PPP1R13B: variants seen among roughly 807,000 people sequenced by gnomAD.
PPP1R13B encodes protein phosphatase 1 regulatory subunit 13B.
PPP1R13B carries 44 observed loss-of-function variants against 119.8 expected under a neutral mutation model. The ratio of observed to expected loss-of-function variants is 0.37; its 90% CI spans 0.29 to 0.47. The LOEUF (loss-of-function observed/expected upper bound fraction) is 0.47. Ranked by LOEUF, PPP1R13B falls within the 20% of genes least tolerant of loss-of-function variation. PPP1R13B has a pLI of 0.99. For synonymous variants in PPP1R13B, 542 were observed against 561.5 expected, an observed-to-expected ratio of 0.97 and a Z score of 0.49; for missense variants, 1,227 against 1,413.5, an observed-to-expected ratio of 0.87 and a Z score of 2.12.
chr14:103,846,170 G>A (rs1020109196), intron 1 of PPP1R13B, among the ~76,000 whole-genome samples: 25 of 152,150 alleles, frequency 1.6e-4, no homozygotes, highest in African/African-American at 5.1e-4. Context: ...CAAGTCTGAT[G>A]CTAAAGAAAG....
intron 1 of PPP1R13B, among the ~76,000 whole-genome samples, chr14:103,837,194 C>T (rs2086798384): frequency 6.6e-6 from 1 of 152,288 alleles, no homozygotes; most frequent in South Asian, 2.1e-4. Flanking sequence ...TCAGGCAAAC[C>T]GGAAACACAG....
chr14:103,746,620 A>G, intron 8 of PPP1R13B, 67 bp from the exon 9 acceptor site: 1 of 1,319,394 alleles, frequency 7.6e-7, no homozygotes, highest in Non-Finnish European at 1.0e-6. Context: ...GCTTAGTGCA[A>G]GAGACTGCCA....
chr14:103,754,308 T>A, intron 5 of PPP1R13B, 64 bp from the exon 6 acceptor site: 1 of 1,495,590 alleles, frequency 6.7e-7, no homozygotes. Context: ...CTCACATCTG[T>A]AATTCCAGCA....
At chr14:103,826,129 G>A (rs1256994730) in intron 1 of PPP1R13B, among the ~76,000 whole-genome samples, 1 of 152,018 alleles carries the variant, frequency 6.6e-6, no homozygotes, top group Non-Finnish European at 1.5e-5. Flanking sequence ...CACCTGCCTT[G>A]GCCTCCCAAA....
chr14:103,742,963 A>C lies in PPP1R13B; in HGVS notation c.1151-140T>G. On this transcript the variant is annotated intron_variant, in intron 9 of 16. Transcript: ENST00000202556. The surrounding 1 kb of genome is among the most constrained non-coding windows in gnomAD (Gnocchi z 4.9). ...TCCATTAACCGAGTGGTCAACCACC[A>C]GCCACATGCACAACTGCTGATCTCC... The C allele has an allele frequency of 1.1e-6, 1 of 909,326 alleles. No individual in the cohort carries two copies. The allele number at this position is 909,326 out of a possible 1,614,324, so 56.3% of individuals were successfully genotyped here. A position where few individuals can be genotyped will look rare whatever the true frequency, so the allele number is the denominator to read the frequency against.
intron 1 of PPP1R13B, among the ~76,000 whole-genome samples, chr14:103,799,313 G>C (rs1340701326): frequency 1.3e-5 from 2 of 152,108 alleles, no homozygotes; most frequent in Non-Finnish European, 2.9e-5. Context: ...CGAGTAGCTG[G>C]GACTACAGGC....
intron 7 of PPP1R13B, among the ~76,000 whole-genome samples, chr14:103,752,472 G>A (rs887360086): frequency 6.6e-6 from 1 of 151,664 alleles, no homozygotes; most frequent in African/African-American, 2.4e-5. Context: ...GTCGGTGAAG[G>A]TACTGAAGCC....
rs772045392 is a variant in PPP1R13B at position 103,784,858 on chromosome 14, G to C, written c.214C>G (p.Arg72Gly). The C allele has an allele frequency of 1.2e-6, 2 of 1,606,710 alleles. No homozygotes were observed. Among genetic ancestry groups the C allele is most frequent in the Admixed American group, 1.7e-5 (1 of 59,928 alleles). Residue 72 changes from arginine (R) to glycine (G), a missense_variant, in exon 3 of 17, where the codon CGG (arginine) becomes GGG (glycine). Physicochemically the swap from Arg to Gly is moderately radical, Grantham distance 125 (BLOSUM62 -2). Coordinates refer to ENST00000202556, the MANE Select transcript of PPP1R13B (RefSeq NM_015316.3). ...AGGAAAAATTTCACTTCTTCCCTCC[G>C]TGGACCCCATTTCTGAAGATGTTCG... ...MYEHLQKWGP[R>G]REEVKFFLRH...
In PPP1R13B at chr14:103,754,126, T is replaced by G; in HGVS notation, c.575A>C (p.Lys192Thr). 6.2e-7 allele frequency: 1 copy of G among 1,614,088 alleles called. No individual in the cohort carries two copies. Among genetic ancestry groups the G allele is most frequent in the Non-Finnish European group, 8.5e-7 (1 of 1,180,006 alleles). Residue 192 changes from lysine (K) to threonine (T), a missense_variant, in exon 6 of 17, where the codon AAA (lysine) becomes ACA (threonine). Transcript: ENST00000202556. ...GACTTGTCCTCTCATTGCACGAATTTTCTTCAGCTTGTTCTCCTGGGCTTC... is the reference window on the plus strand; with the variant it reads ...GACTTGTCCTCTCATTGCACGAATTGTCTTCAGCTTGTTCTCCTGGGCTTC... ...RVEAQENKLK[K>T]IRAMRGQVDY...
At position 103,734,937 on chromosome 14, in the gene PPP1R13B, T is replaced by C. The variant is rs914813450; in HGVS notation, c.*217A>G. 5.8e-6 allele frequency: 4 copies of C among 686,752 alleles called. No homozygotes were observed. Among genetic ancestry groups the C allele is most frequent in the Non-Finnish European group, 1.1e-5 (4 of 376,710 alleles). 42.5% of individuals were successfully genotyped at this position (686,752 alleles called of 1,614,324 possible). Reference sequence around the variant, plus strand: ...TTTGGATTTATAGTAATTGGCAAAATTCAGTCCTTGGAGGCGAAAGTACCT... The same window carrying C: ...TTTGGATTTATAGTAATTGGCAAAACTCAGTCCTTGGAGGCGAAAGTACCT... On this transcript the variant is annotated 3_prime_UTR_variant, in exon 17 of 17. Coordinates refer to ENST00000202556, the MANE Select transcript of PPP1R13B (RefSeq NM_015316.3).
chr14:103,755,301 C>A (rs1339046573), intron 5 of PPP1R13B, among the ~76,000 whole-genome samples: 1 of 152,086 alleles, frequency 6.6e-6, no homozygotes, highest in African/African-American at 2.4e-5. Context: ...TGAACACTGA[C>A]CAGCAGAGAA....
intron 2 of PPP1R13B, among the ~76,000 whole-genome samples, chr14:103,795,094 T>C (rs577382376): frequency 6.6e-6 from 1 of 152,222 alleles, no homozygotes; most frequent in African/African-American, 2.4e-5. Context: ...TGTGCCACCA[T>C]GCCTGGCTAA....
At chr14:103,792,382 T>C (rs1379470751) in intron 2 of PPP1R13B, among the ~76,000 whole-genome samples, 1 of 152,138 alleles carries the variant, frequency 6.6e-6, no homozygotes, top group Non-Finnish European at 1.5e-5. Context: ...TTGGCCACAT[T>C]GCCAAGGTTG....
rs191248772 is a variant in PPP1R13B at position 103,835,647 on chromosome 14, C to T, written c.9+11652G>A. Among the ~76,000 whole-genome samples, 864 of 151,684 alleles carry T rather than the reference C, an allele frequency of 5.7e-3. 11 individuals carry two copies. The highest frequency in any genetic ancestry group is 0.02 in the African/African-American group (829 of 41,378). On this transcript the variant is annotated intron_variant, in intron 1 of 16. Coordinates refer to ENST00000202556, the MANE Select transcript of PPP1R13B (RefSeq NM_015316.3). Reference sequence around the variant, plus strand: ...TTTTTGAGACGGAGTCTCGCTTTGCCGCCCAGGCTGGAGTGCAGTGGCACG... The same window carrying T: ...TTTTTGAGACGGAGTCTCGCTTTGCTGCCCAGGCTGGAGTGCAGTGGCACG...
intron 4 of PPP1R13B, among the ~76,000 whole-genome samples, chr14:103,766,371 T>C (rs1219347031): frequency 6.6e-6 from 1 of 152,116 alleles, no homozygotes; most frequent in African/African-American, 2.4e-5. Context: ...GGCAGCTGGT[T>C]GACTGGCTTT....
rs1306777891 is a variant in PPP1R13B at position 103,847,448 on chromosome 14, C to T, written c.-141G>A. ...CCCGGCCGCGGCGAGGCGGCAGCTG[C>T]GGCGGGCTGCGGGGCTCTCGCTGGC... On this transcript the variant is annotated 5_prime_UTR_variant, in exon 1 of 17. Coordinates refer to ENST00000202556, the MANE Select transcript of PPP1R13B (RefSeq NM_015316.3). 4 of 1,001,696 alleles carry T rather than the reference C, an allele frequency of 4.0e-6. No homozygotes were observed. The highest frequency in any genetic ancestry group is 5.0e-4 in the Middle Eastern group (1 of 2,012). 62.1% of individuals were successfully genotyped at this position (1,001,696 alleles called of 1,614,324 possible). A position where few individuals can be genotyped will look rare whatever the true frequency, so the allele number is the denominator to read the frequency against.
Position 103,736,137 on chromosome 14 carries a change from G to A in PPP1R13B, c.3097C>T (p.Gln1033Ter). 1.2e-6 allele frequency: 2 copies of A among 1,614,182 alleles called. No individual in the cohort carries two copies. The highest frequency in any genetic ancestry group is 1.7e-6 in the Non-Finnish European group (2 of 1,180,024). The part of the protein sequence containing the change: ...VAYALWDYEA[Q>*]NSDELSFHEG... The stretch of plus-strand genomic sequence containing the variant: ...TGGAAGGACAGCTCGTCACTGTTCT[G>A]GGCCTCGTAGTCCCACAGAGCATAC... The change falls in exon 16 of 17, where the codon CAG becomes TAG. Residue 1033 changes from glutamine (Q) to a stop codon, truncating the protein, a stop_gained. Transcript: ENST00000202556. LOFTEE classifies it high-confidence loss of function.
At chr14:103,777,138 G>A (rs1416084708) in intron 4 of PPP1R13B, among the ~76,000 whole-genome samples, 2 of 151,318 alleles carry the variant, frequency 1.3e-5, no homozygotes, top group Non-Finnish European at 3.0e-5. Context: ...GACTACAGGC[G>A]CATGCCACCA....
At chr14:103,831,252 A>AT (rs1322138045) in intron 1 of PPP1R13B, among the ~76,000 whole-genome samples, 2 of 150,462 alleles carry the variant, frequency 1.3e-5, no homozygotes, top group East Asian at 2.0e-4. Flanking sequence ...CTCAAGTAAT[A>AT]TTTTTTATAT....
Sources: gnomAD v4.1 joint callset for allele counts (sites outside exome capture counted in the v4.1 genomes callset) on GRCh38, gnomAD v4.1.1 for gene constraint, Gnocchi (gnomAD v3.1) non-coding constraint, MANE v1.5 for transcripts, NCBI Gene and HGNC (gene_info 2026-07-23, HGNC 2026-07-21) for gene names.